UNKL: variants seen among roughly 807,000 people sequenced by gnomAD.
The protein encoded by UNKL is putative E3 ubiquitin-protein ligase UNKL.
Under a neutral mutation model 78.0 loss-of-function variants are expected in UNKL, and 60 were observed. The ratio of observed to expected loss-of-function variants is 0.77; its 90% CI spans 0.63 to 0.95. The LOEUF is 0.95. Ranked by LOEUF, UNKL falls within the 40% of genes least tolerant of loss-of-function variation. The probability of loss-of-function intolerance (pLI) is 0.00; values close to 1 mark genes in which losing one functional copy is unlikely to be tolerated. For missense variants in UNKL, 1,159 were observed against 1,045.7 expected (o/e 1.11, Z -1.49); for synonymous variants, 608 against 474.8 (o/e 1.28, Z -3.65).
At position 1,403,399 on chromosome 16, in the gene UNKL, T is replaced by C; in HGVS notation, c.288-55A>G. 1 of 1,551,084 alleles carries C rather than the reference T, an allele frequency of 6.4e-7. No individual in the cohort carries two copies. Among genetic ancestry groups the C allele is most frequent in the Non-Finnish European group, 8.7e-7 (1 of 1,150,406 alleles). On this transcript the variant is annotated intron_variant, in intron 2 of 14. Coordinates refer to ENST00000389221, the MANE Select transcript of UNKL (RefSeq NM_001372107.1). The surrounding 1 kb of genome is among the most constrained non-coding windows in gnomAD (Gnocchi z 4.8). ...GTTATCATGGACCCAGAGGCAGCCC[T>C]AAGCTCCCTGGGTCCACGCCCTGTC...
chr16:1,363,542 A>C lies in UNKL; in HGVS notation c.*2698T>G, dbSNP rs1272616279. ...AACACTAGAGTTACAGACGACAGGC[A>C]ACAAGAACATGCAGAGCCGGCCGCC... On this transcript the variant is annotated 3_prime_UTR_variant, in exon 15 of 15. Coordinates refer to ENST00000389221, the MANE Select transcript of UNKL (RefSeq NM_001372107.1). 4.0e-6 allele frequency: 1 copy of C among 248,834 alleles called. No individual in the cohort carries two copies. Among genetic ancestry groups the C allele is most frequent in the Non-Finnish European group, 8.0e-6 (1 of 124,372 alleles). The allele number at this position is 248,834 out of a possible 1,614,324, so 15.4% of individuals were successfully genotyped here.
At chr16:1,388,408 T>C (rs1033156054) in intron 9 of UNKL, among the ~76,000 whole-genome samples, 4 of 152,160 alleles carry the variant, frequency 2.6e-5, no homozygotes, top group Non-Finnish European at 4.4e-5. Flanking sequence ...CCCGCCTGTC[T>C]GCAGGAGGGG....
intron 5 of UNKL, chr16:1,398,679 G>GCGGGCCCCC: frequency 5.2e-6 from 7 of 1,355,610 alleles, no homozygotes; most frequent in Non-Finnish European, 6.7e-6. Flanking sequence ...TGTGGGGTCT[G>GCGGGCCCCC]CACCCCCCCA....
intron 10 of UNKL, among the ~76,000 whole-genome samples, chr16:1,375,942 G>A (rs2142016720): frequency 6.6e-6 from 1 of 152,358 alleles, no homozygotes; most frequent in South Asian, 2.1e-4. Flanking sequence ...CTCAAAGCCT[G>A]ACTGAAGTCG....
intron 9 of UNKL, among the ~76,000 whole-genome samples, chr16:1,390,058 C>T (rs972115101): frequency 1.3e-5 from 2 of 152,182 alleles, no homozygotes; most frequent in Non-Finnish European, 2.9e-5. Flanking sequence ...ACGATCTCGG[C>T]TCACTGCAAT....
rs1156871856 is a variant in UNKL at position 1,364,500 on chromosome 16, A to C, written c.*1740T>G. ...GGCCCGCGGAGAGCCAGGTCGCCGT[A>C]AACCACAGATGCCTGTTCCTGCTCA... is the stretch of plus-strand genomic sequence containing the variant. On this transcript the variant is annotated 3_prime_UTR_variant, in exon 15 of 15. Transcript: ENST00000389221. 1 of 152,256 alleles carries C rather than the reference A, an allele frequency of 6.6e-6. No individual in the cohort carries two copies. Among genetic ancestry groups the C allele is most frequent in the East Asian group, 1.9e-4 (1 of 5,200 alleles). 9.4% of individuals were successfully genotyped at this position (152,256 alleles called of 1,614,324 possible).
In UNKL at chr16:1,403,085, G is replaced by T. The variant is rs533449097; in HGVS notation, c.464+83C>A. ...GCAGAGCCTGCAGCAGCAGGGAGGC[G>T]AGCCACTTGCCGAGTTCCTGCTCAT... is the stretch of plus-strand genomic sequence containing the variant. On this transcript the variant is annotated intron_variant, in intron 3 of 14. Transcript: ENST00000389221. The surrounding 1 kb of genome is among the most constrained non-coding windows in gnomAD (Gnocchi z 4.8). The T allele has an allele frequency of 2.1e-6, 3 of 1,459,728 alleles. No homozygotes were observed. The highest frequency in any genetic ancestry group is 5.0e-5 in the East Asian group (2 of 40,256). The allele number at this position is 1,459,728 out of a possible 1,614,324, so 90.4% of individuals were successfully genotyped here.
chr16:1,382,875 T>C (rs1405287197), intron 10 of UNKL, among the ~76,000 whole-genome samples: 1 of 151,292 alleles, frequency 6.6e-6, no homozygotes, highest in Non-Finnish European at 1.5e-5. Context: ...GGAGAATCAC[T>C]TGAACCCAGG....
At chr16:1,411,471 G>A (rs1849168114) in intron 2 of UNKL, among the ~76,000 whole-genome samples, 1 of 152,210 alleles carries the variant, frequency 6.6e-6, no homozygotes, top group African/African-American at 2.4e-5. Context: ...GGTTCAAGTT[G>A]CAGTGAGCCG....
At chr16:1,367,394 C>T in intron 13 of UNKL, 45 bp from the exon 14 acceptor site, 1 of 1,505,434 alleles carries the variant, frequency 6.6e-7, no homozygotes, top group South Asian at 1.3e-5. Context: ...TCACCTGTGC[C>T]ACCTGCAGAC....
At chr16:1,366,816 G>T (rs1596632970) in intron 14 of UNKL, among the ~76,000 whole-genome samples, 1 of 151,702 alleles carries the variant, frequency 6.6e-6, no homozygotes, top group East Asian at 1.9e-4. Context: ...GAACAGGGAG[G>T]GATGGGGCCA....
intron 12 of UNKL, among the ~76,000 whole-genome samples, chr16:1,368,788 C>A (rs1358200162): frequency 1.3e-5 from 2 of 152,082 alleles, no homozygotes; most frequent in African/African-American, 2.4e-5. Flanking sequence ...GTGATCCCAG[C>A]TACTCGGGAG....
chr16:1,385,566 C>T, intron 9 of UNKL, 181 bp from the exon 10 acceptor site: 1 of 521,182 alleles, frequency 1.9e-6, no homozygotes, highest in Middle Eastern at 5.4e-4. Flanking sequence ...ACCAGGACGG[C>T]AGGGCAGCGG....
chr16:1,397,007 ACAAG>A, intron 6 of UNKL, 167 bp downstream of exon 6: 1 of 648,640 alleles, frequency 1.5e-6, no homozygotes, highest in Non-Finnish European at 2.6e-6. Flanking sequence ...AGCAAGCAAG[ACAAG>A]CAAGCAGGTA....
Position 1,392,890 on chromosome 16 carries a change from C to G in UNKL, c.1023+1G>C. 1 of 1,550,614 alleles carries G rather than the reference C, an allele frequency of 6.4e-7. No individual in the cohort carries two copies. The highest frequency in any genetic ancestry group is 2.4e-5 in the East Asian group (1 of 40,930). ...TTGTCCTGGGAAGGCCGTTCACTTA[C>G]ATTTCCCGGCTGGCCGCTGCCCGTG... On this transcript the variant is annotated splice_donor_variant, in intron 8 of 14. Coordinates refer to ENST00000389221, the MANE Select transcript of UNKL (RefSeq NM_001372107.1). LOFTEE classifies it high-confidence loss of function.
At chr16:1,398,211 C>T (rs902384741) in intron 5 of UNKL, 19 of 679,716 alleles carry the variant, frequency 2.8e-5, no homozygotes, top group Non-Finnish European at 3.3e-5. Flanking sequence ...ACCTATGTTC[C>T]TACTGCAGTG....
intron 10 of UNKL, among the ~76,000 whole-genome samples, chr16:1,374,490 G>A (rs902483587): frequency 3.9e-5 from 6 of 152,118 alleles, no homozygotes; most frequent in African/African-American, 1.2e-4. Context: ...ACCGCACCCC[G>A]GGGAAACCTG....
At chr16:1,395,874 A>G (rs1778765748) in intron 6 of UNKL, 1 of 418,178 alleles carries the variant, frequency 2.4e-6, no homozygotes, top group African/African-American at 2.0e-5. Flanking sequence ...CGTCTGTGAC[A>G]ACATGAGTCA....
At chr16:1,374,663 T>C (rs949328039) in intron 10 of UNKL, among the ~76,000 whole-genome samples, 1 of 151,922 alleles carries the variant, frequency 6.6e-6, no homozygotes, top group Non-Finnish European at 1.5e-5. Flanking sequence ...TCCTGCAGCC[T>C]CACTCCCCAC....
Sources: allele counts gnomAD v4.1 joint callset (sites outside exome capture counted in the v4.1 genomes callset), GRCh38; gene constraint gnomAD v4.1.1; non-coding constraint Gnocchi (gnomAD v3.1); transcripts MANE v1.5; gene names NCBI Gene and HGNC (gene_info 2026-07-23, HGNC 2026-07-21).